Variants in RANBP2 observed in about 807,000 individuals in gnomAD.
The protein encoded by RANBP2 is RAN binding protein 2.
RANBP2 carries 57 observed loss-of-function variants against 303.6 expected under a neutral mutation model. The observed-to-expected ratio is 0.19, with a 90% CI of 0.15 to 0.23. RANBP2 has a LOEUF of 0.23. RANBP2 is among the 10% of genes least tolerant of loss of function. The probability of loss-of-function intolerance (pLI) is 1.00; values close to 1 mark genes in which losing one functional copy is unlikely to be tolerated. For synonymous variants in RANBP2, 1,167 were observed against 1,301.5 expected (o/e 0.90, Z 2.23); for missense variants, 3,138 against 3,780.8 (o/e 0.83, Z 4.46).
the RANBP2 span, chr2:109,585,601 A>G: frequency 1.2e-6 from 1 of 813,154 alleles, no homozygotes; most frequent in Non-Finnish European, 2.0e-6. Flanking sequence ...ACAACTAAAG[A>G]GAATCCCTGG....
the RANBP2 span, among the ~76,000 whole-genome samples, chr2:109,577,782 G>C: frequency 6.6e-6 from 1 of 151,054 alleles, no homozygotes; most frequent in Admixed American, 6.6e-5. Flanking sequence ...GTGGGGTGGT[G>C]TGTGACTGCA....
the RANBP2 span, among the ~76,000 whole-genome samples, chr2:109,438,880 C>G: frequency 6.6e-6 from 1 of 152,138 alleles, no homozygotes; most frequent in Admixed American, 6.5e-5. Flanking sequence ...AGGCCAGGTC[C>G]CTTCTGGTTA....
chr2:109,047,496 A>AAAACAAACAAAC, the RANBP2 span, among the ~76,000 whole-genome samples: 171 of 152,270 alleles, frequency 1.1e-3, 1 homozygote, highest in African/African-American at 4.0e-3. Flanking sequence ...GGCTCAAAGA[A>AAAACAAACAAAC]AAACAAACAA....
the RANBP2 span, among the ~76,000 whole-genome samples, chr2:108,890,232 C>CTTTTT: frequency 3.5e-4 from 40 of 114,676 alleles, no homozygotes; most frequent in African/African-American, 6.3e-4. Flanking sequence ...ATGGGGTTTT[C>CTTTTT]TTTTTTTTTT....
the RANBP2 span, among the ~76,000 whole-genome samples, chr2:108,995,382 G>A: frequency 2.6e-5 from 4 of 152,178 alleles, no homozygotes; most frequent in African/African-American, 9.7e-5. Flanking sequence ...GCAGAGGAAC[G>A]ATTGATTTAC....
At chr2:109,031,346 C>T in the RANBP2 span, among the ~76,000 whole-genome samples, 1 of 152,166 alleles carries the variant, frequency 6.6e-6, no homozygotes, top group African/African-American at 2.4e-5. Flanking sequence ...CGGGAACGCT[C>T]TGCAGAAGGA....
chr2:108,911,071 T>A, the RANBP2 span: 1 of 1,613,648 alleles, frequency 6.2e-7, no homozygotes, highest in African/African-American at 1.3e-5. Flanking sequence ...GGCCTGAGAG[T>A]TCTGTGGGTG....
chr2:109,361,712 A>G, the RANBP2 span, among the ~76,000 whole-genome samples: 1 of 152,086 alleles, frequency 6.6e-6, no homozygotes, highest in Admixed American at 6.6e-5. Flanking sequence ...CTGACTTCAA[A>G]TAATCTGCCC....
the RANBP2 span, among the ~76,000 whole-genome samples, chr2:109,246,377 C>T: frequency 7.2e-5 from 11 of 152,138 alleles, no homozygotes; most frequent in African/African-American, 1.4e-4. Flanking sequence ...GGCAACTCTC[C>T]GAGGCCTCTT....
chr2:109,512,717 A>G, the RANBP2 span, among the ~76,000 whole-genome samples: 4 of 152,132 alleles, frequency 2.6e-5, no homozygotes, highest in South Asian at 8.3e-4. Context: ...GAGAGCCCTC[A>G]GGTAGCATCT....
At chr2:108,819,086 T>C in the RANBP2 span, among the ~76,000 whole-genome samples, 5 of 152,180 alleles carry the variant, frequency 3.3e-5, no homozygotes, top group Non-Finnish European at 5.9e-5. Context: ...GTCATCAACA[T>C]GTTGGAGTAG....
chr2:109,361,764 A>G, the RANBP2 span, among the ~76,000 whole-genome samples: 1 of 152,152 alleles, frequency 6.6e-6, no homozygotes, highest in Non-Finnish European at 1.5e-5. Context: ...TTTAATAGAT[A>G]AAGGCCTATT....
At chr2:109,706,128 G>A in the RANBP2 span, among the ~76,000 whole-genome samples, 1 of 152,130 alleles carries the variant, frequency 6.6e-6, no homozygotes, top group African/African-American at 2.4e-5. Flanking sequence ...CCTCTCACCT[G>A]GGCTAGGCTG....
At chr2:109,459,509 G>C in the RANBP2 span, among the ~76,000 whole-genome samples, 1 of 152,050 alleles carries the variant, frequency 6.6e-6, no homozygotes, top group South Asian at 2.1e-4. Flanking sequence ...CTCAGTCACG[G>C]GGCATTGTGA....
chr2:108,775,216 T>G (rs1677794205), intron 23 of RANBP2, among the ~76,000 whole-genome samples: 1 of 152,212 alleles, frequency 6.6e-6, no homozygotes, highest in Non-Finnish European at 1.5e-5. Context: ...TTCCAAATAT[T>G]TGGTGATTTT....
At chr2:108,739,085 T>A (rs1266752480) in intron 6 of RANBP2, among the ~76,000 whole-genome samples, 2 of 152,160 alleles carry the variant, frequency 1.3e-5, no homozygotes, top group East Asian at 3.9e-4. Flanking sequence ...TCTGTAAAAC[T>A]ATTACATGTC....
At chr2:109,238,244 C>T in the RANBP2 span, among the ~76,000 whole-genome samples, 1 of 151,852 alleles carries the variant, frequency 6.6e-6, no homozygotes, top group African/African-American at 2.4e-5. Flanking sequence ...AAGACTAATT[C>T]AATAGAAAAG....
chr2:109,375,349 G>A, the RANBP2 span, among the ~76,000 whole-genome samples: 1 of 152,216 alleles, frequency 6.6e-6, no homozygotes, highest in East Asian at 1.9e-4. Flanking sequence ...AGGACCCAGG[G>A]CACGTCTCCC....
downstream of RANBP2, chr2:108,787,871 C>A: frequency 4.1e-6 from 1 of 241,926 alleles, no homozygotes. Context: ...GTTGGTTTGT[C>A]ACATTATTGA....
Sources: allele counts gnomAD v4.1 joint callset (sites outside exome capture counted in the v4.1 genomes callset), GRCh38; gene constraint gnomAD v4.1.1; transcripts MANE v1.5; gene names NCBI Gene and HGNC (gene_info 2026-07-23, HGNC 2026-07-21).